The following STX3 variants were observed in gnomAD, a reference collection of about 807,000 sequenced individuals.
STX3 encodes syntaxin 3.
STX3 carries 19 observed loss-of-function variants against 40.2 expected under a neutral mutation model. That is an observed-to-expected ratio of 0.47 (90% confidence interval 0.33 to 0.69). The LOEUF is 0.69. STX3 is among the 30% of genes least tolerant of loss of function. The pLI is 0.02. For missense variants in STX3, 364 were observed against 366.7 expected (o/e 0.99, Z 0.06); for synonymous variants, 122 against 132.2 (o/e 0.92, Z 0.53).
intron 1 of STX3, among the ~76,000 whole-genome samples, chr11:59,761,172 G>A (rs1409804490): frequency 6.6e-6 from 1 of 152,124 alleles, no homozygotes; most frequent in Middle Eastern, 3.2e-3. Flanking sequence ...TAAACACCTA[G>A]CCCAAGATGA....
At chr11:59,792,083 A>G in intron 5 of STX3, 24 bp from the exon 6 acceptor site, 1 of 1,593,704 alleles carries the variant, frequency 6.3e-7, no homozygotes, top group Middle Eastern at 1.7e-4. Context: ...CTGGGGCCTG[A>G]CTGCATTTTA....
rs76410717 is a variant in STX3 at position 59,801,737 on chromosome 11, T to C, written c.*913T>C. ...TGTATTCACTCATGTGTTCCAGATG[T>C]ATTCTAATTGTGTATGAAATGTATG... On this transcript the variant is annotated 3_prime_UTR_variant, in exon 11 of 11. Coordinates refer to ENST00000337979, the MANE Select transcript of STX3 (RefSeq NM_004177.5). The C allele has an allele frequency of 0.056, 55,117 of 985,730 alleles. 1,698 individuals are homozygous for C. The highest frequency in any genetic ancestry group is 0.062 in the Non-Finnish European group (51,114 of 829,886). The allele number at this position is 985,730 out of a possible 1,614,324, so 61.1% of individuals were successfully genotyped here. A position where few individuals can be genotyped will look rare whatever the true frequency, so the allele number is the denominator to read the frequency against.
intron 1 of STX3, among the ~76,000 whole-genome samples, chr11:59,763,569 A>G (rs954766397): frequency 2.0e-5 from 3 of 152,232 alleles, no homozygotes; most frequent in African/African-American, 4.8e-5. Flanking sequence ...CTCACAGAAT[A>G]AAAGTCATAT....
Position 59,800,594 on chromosome 11 carries a change from A to C in STX3, c.*31-261A>C, listed in dbSNP as rs543788246. On this transcript the variant is annotated intron_variant, in intron 10 of 10. Transcript: ENST00000337979. ...TCACTAGGGATTGTCCCTTCCCACC[A>C]CGTCCTTCCATGGGTGTGGACAGCC... 8 of 985,448 alleles carry C rather than the reference A, an allele frequency of 8.1e-6. No individual in the cohort carries two copies. In the East Asian group the frequency reaches 4.5e-4, roughly 56 times the overall value. 61.0% of individuals were successfully genotyped at this position (985,448 alleles called of 1,614,324 possible). A position where few individuals can be genotyped will look rare whatever the true frequency, so the allele number is the denominator to read the frequency against.
rs534740920 is a variant in STX3, at chr11:59,781,458, T to C, written c.115-5579T>C. ...CTGAACCAATGCACCATCTGTAAAG[T>C]TGCAGACAGTCTGAGTTTTTCTGCC... On this transcript the variant is annotated intron_variant, in intron 2 of 10. Transcript: ENST00000337979. 46 of 1,613,336 alleles carry C rather than the reference T, an allele frequency of 2.9e-5. No homozygotes were observed. The East Asian group carries it at 3.3e-4, about 12-fold the overall frequency.
At chr11:59,798,761 G>T (rs565605102) in intron 10 of STX3, among the ~76,000 whole-genome samples, 1 of 151,762 alleles carries the variant, frequency 6.6e-6, no homozygotes, top group African/African-American at 2.4e-5. Context: ...TGATCCACCC[G>T]CCTCGGCCTC....
At chr11:59,760,253 C>G (rs944415208) in intron 1 of STX3, among the ~76,000 whole-genome samples, 2 of 152,180 alleles carry the variant, frequency 1.3e-5, no homozygotes, top group Admixed American at 6.5e-5. Flanking sequence ...TGTCCTCTCT[C>G]TCTTCCAAAG....
chr11:59,776,739 C>T (rs756332456), intron 2 of STX3, among the ~76,000 whole-genome samples: 25 of 152,168 alleles, frequency 1.6e-4, no homozygotes, highest in Non-Finnish European at 1.5e-4. Flanking sequence ...ATGTGATTTG[C>T]ACTGTCAGAT....
At chr11:59,772,994 C>G (rs1863743096) in intron 1 of STX3, among the ~76,000 whole-genome samples, 1 of 151,796 alleles carries the variant, frequency 6.6e-6, no homozygotes, top group South Asian at 2.1e-4. Flanking sequence ...CACACACACA[C>G]ACACACACAC....
At chr11:59,759,150 G>A (rs1035470793) in intron 1 of STX3, among the ~76,000 whole-genome samples, 9 of 152,116 alleles carry the variant, frequency 5.9e-5, no homozygotes, top group African/African-American at 2.2e-4. Context: ...GTTACTTTAC[G>A]TACCAGATAA....
At chr11:59,769,829 CGTGTGTGT>C (rs148844771) in intron 1 of STX3, among the ~76,000 whole-genome samples, 24 of 148,448 alleles carry the variant, frequency 1.6e-4, no homozygotes, top group African/African-American at 4.0e-4. Flanking sequence ...ATAGTGTACA[CGTGTGTGT>C]GTGTGTGTGT....
chr11:59,757,752 C>T (rs747865326), intron 1 of STX3, among the ~76,000 whole-genome samples: 4 of 146,406 alleles, frequency 2.7e-5, no homozygotes, highest in Non-Finnish European at 6.0e-5. Flanking sequence ...TGCGTCACTT[C>T]TCTGCTTCTC....
chr11:59,797,159 G>T (rs1293334092), intron 9 of STX3, 124 bp from the exon 10 acceptor site: 1 of 675,652 alleles, frequency 1.5e-6, no homozygotes, highest in Non-Finnish European at 2.6e-6. Context: ...AGAGATGTAG[G>T]CCTCTTACTC....
chr11:59,758,660 G>A (rs1862865492), intron 1 of STX3, among the ~76,000 whole-genome samples: 1 of 152,178 alleles, frequency 6.6e-6, no homozygotes, highest in African/African-American at 2.4e-5. Context: ...TCCCTCGACA[G>A]CCTGCTTTTT....
rs375268999 is a variant in STX3, at chr11:59,785,924, A to G, written c.115-1113A>G. ...GCTTCCACTGCAGCAGGGCTGTGGT[A>G]CCAGTGGCATGGGCACCTATGAAGC... On this transcript the variant is annotated intron_variant, in intron 2 of 10. Coordinates refer to ENST00000337979, the MANE Select transcript of STX3 (RefSeq NM_004177.5). 2.0e-4 allele frequency among the ~76,000 whole-genome samples: 30 copies of G among 152,278 alleles called. No individual in the cohort carries two copies. In the South Asian group the frequency reaches 6.2e-3, roughly 32 times the overall value.
upstream of STX3, chr11:59,754,929 T>G (rs539633708): frequency 6.6e-6 from 1 of 151,068 alleles, no homozygotes; most frequent in Non-Finnish European, 1.5e-5. Context: ...CCCCCCACTT[T>G]CACTGCCAGC....
chr11:59,792,018 T>C lies in STX3; in HGVS notation c.358-89T>C, dbSNP rs532243874. The C allele has an allele frequency of 5.7e-5, 59 of 1,034,206 alleles. No individual in the cohort carries two copies. In the African/African-American group the frequency reaches 7.8e-4, roughly 14 times the overall value. The allele number at this position is 1,034,206 out of a possible 1,614,324, so 64.1% of individuals were successfully genotyped here. ...GGTTTTTTGATTCCAAGTCCAGTGC[T>C]ATTGTAGATGGCTATGTGGGGGTGG... On this transcript the variant is annotated intron_variant, in intron 5 of 10. Transcript: ENST00000337979.
At chr11:59,781,101 T>TA (rs1207348072) in intron 2 of STX3, among the ~76,000 whole-genome samples, 2 of 122,662 alleles carry the variant, frequency 1.6e-5, no homozygotes, top group Non-Finnish European at 3.3e-5. Flanking sequence ...TTTTTTTTTT[T>TA]ATATTAGCAC....
intron 1 of STX3, among the ~76,000 whole-genome samples, chr11:59,772,224 C>T (rs1863692379): frequency 6.6e-6 from 1 of 152,218 alleles, no homozygotes; most frequent in African/African-American, 2.4e-5. Flanking sequence ...CTCACCTCCA[C>T]CTTTCACAAC....
Sources: gnomAD v4.1 joint callset for allele counts (sites outside exome capture counted in the v4.1 genomes callset) on GRCh38, gnomAD v4.1.1 for gene constraint, MANE v1.5 for transcripts, NCBI Gene and HGNC (gene_info 2026-07-23, HGNC 2026-07-21) for gene names.